HMCN1: variants seen among roughly 807,000 people sequenced by gnomAD.
HMCN1 encodes hemicentin 1.
In HMCN1, 321 loss-of-function variants were observed where a neutral mutation model predicts 625.9. The ratio of observed to expected loss-of-function variants is 0.51; its 90% CI spans 0.47 to 0.56. The LOEUF (loss-of-function observed/expected upper bound fraction) is 0.56. Ranked by LOEUF, HMCN1 falls within the 20% of genes least tolerant of loss-of-function variation. The probability of loss-of-function intolerance (pLI) is 0.00; values close to 1 mark genes in which losing one functional copy is unlikely to be tolerated. For synonymous variants in HMCN1, 2,425 were observed against 2,417.6 expected (o/e 1.00, Z -0.09); for missense variants, 6,588 against 6,887.3 (o/e 0.96, Z 1.54).
intron 40 of HMCN1, 37 bp downstream of exon 40, chr1:186,041,173 GAT>G: frequency 6.3e-7 from 1 of 1,585,440 alleles, no homozygotes; most frequent in Non-Finnish European, 8.7e-7. Context: ...TTCTGGTAGA[GAT>G]ATGTTTGGGT....
At chr1:185,949,979 CTTGTACTATAGCATAACCTG>C (rs1668558085) in intron 11 of HMCN1, among the ~76,000 whole-genome samples, 1 of 151,792 alleles carries the variant, frequency 6.6e-6, no homozygotes, top group Non-Finnish European at 1.5e-5. Context: ...GGGCTAGTGG[CTTGTACTATAGCATAACCTG>C]CCTTTGCTGG....
intron 1 of HMCN1, among the ~76,000 whole-genome samples, chr1:185,822,799 T>G (rs1032391472): frequency 6.6e-6 from 1 of 152,200 alleles, no homozygotes; most frequent in African/African-American, 2.4e-5. Context: ...GATAGTGTTT[T>G]TCTCAGGAAA....
At chr1:185,982,936 A>G (rs984947123) in intron 18 of HMCN1, among the ~76,000 whole-genome samples, 4 of 152,128 alleles carry the variant, frequency 2.6e-5, no homozygotes, top group Admixed American at 2.0e-4. Flanking sequence ...TTTATATTAA[A>G]TTCAGTGTCA....
chr1:186,023,211 G>A, intron 36 of HMCN1, 58 bp downstream of exon 36: 2 of 1,465,146 alleles, frequency 1.4e-6, no homozygotes, highest in Non-Finnish European at 1.9e-6. Flanking sequence ...TAAAAACATA[G>A]TGGGCTCATT....
At chr1:186,184,771 T>C (rs1653176338) in intron 105 of HMCN1, among the ~76,000 whole-genome samples, 2 of 152,192 alleles carry the variant, frequency 1.3e-5, no homozygotes, top group Non-Finnish European at 2.9e-5. Context: ...AAGCTGTTAA[T>C]ATAAAAATTT....
At chr1:186,127,152 T>C (rs1348761722) in intron 82 of HMCN1, among the ~76,000 whole-genome samples, 1 of 151,906 alleles carries the variant, frequency 6.6e-6, no homozygotes, top group African/African-American at 2.4e-5. Flanking sequence ...GCCGAGACGG[T>C]GAAGGCTACA....
chr1:186,039,854 T>C lies in HMCN1; in HGVS notation c.6155T>C (p.Val2052Ala). 1 of 1,613,390 alleles carries C rather than the reference T, an allele frequency of 6.2e-7. No homozygotes were observed. The highest frequency in any genetic ancestry group is 8.5e-7 in the Non-Finnish European group (1 of 1,179,544). The change falls in exon 39 of 107, where the codon GTT becomes GCT. Residue 2052 changes from valine to alanine, a missense_variant. Transcript: ENST00000271588. ...ACCTGGTTGAAAGATGGGAGTCCTG[T>C]TTCTAGTTTTTCTAATGGATTACAG... is the stretch of plus-strand genomic sequence containing the variant. ...SLTWLKDGSPVSSFSNGLQVL... is the reference protein window; with the variant it reads ...SLTWLKDGSPASSFSNGLQVL...
intron 4 of HMCN1, among the ~76,000 whole-genome samples, chr1:185,888,938 T>G (rs1371802203): frequency 6.8e-6 from 1 of 147,796 alleles, no homozygotes; most frequent in Non-Finnish European, 1.5e-5. Context: ...TTTCTACCCA[T>G]GAGCATGGAA....
Position 186,093,640 on chromosome 1 carries a change from C to A in HMCN1, c.10167C>A (p.Ile3389=). The change falls in exon 66 of 107, where the codon ATC becomes ATA. Residue 3389 remains isoleucine (I), a synonymous_variant. Coordinates refer to ENST00000271588, the MANE Select transcript of HMCN1 (RefSeq NM_031935.3). Reference sequence around the variant, plus strand: ...TTCCTCTGCCTCTCTCCTCCCATATCCGGTTACTGGCAGCAGGACAAGTTA... The same window carrying A: ...TTCCTCTGCCTCTCTCCTCCCATATACGGTTACTGGCAGCAGGACAAGTTA... The part of the protein sequence containing the change: ...NGLPLPLSSH[I]RLLAAGQVIR... 3 of 1,613,362 alleles carry A rather than the reference C, an allele frequency of 1.9e-6. No homozygotes were observed. Among genetic ancestry groups the A allele is most frequent in the Non-Finnish European group, 2.5e-6 (3 of 1,179,550 alleles).
At chr1:185,789,148 A>G (rs1657823159) in intron 1 of HMCN1, among the ~76,000 whole-genome samples, 1 of 152,240 alleles carries the variant, frequency 6.6e-6, no homozygotes, top group Non-Finnish European at 1.5e-5. Flanking sequence ...AGTCATAAAC[A>G]ATGGTACCTT....
intron 1 of HMCN1, among the ~76,000 whole-genome samples, chr1:185,786,857 C>A (rs1381242236): frequency 1.3e-5 from 2 of 152,158 alleles, no homozygotes; most frequent in Non-Finnish European, 1.5e-5. Context: ...CTATGTGTCA[C>A]CCCAATGCTA....
At chr1:185,798,936 G>A (rs1658590477) in intron 1 of HMCN1, among the ~76,000 whole-genome samples, 1 of 152,034 alleles carries the variant, frequency 6.6e-6, no homozygotes, top group Non-Finnish European at 1.5e-5. Context: ...CCTTTGGGGT[G>A]TTGTAACACT....
intron 4 of HMCN1, among the ~76,000 whole-genome samples, chr1:185,888,717 T>C (rs1213625060): frequency 6.8e-6 from 1 of 146,944 alleles, no homozygotes; most frequent in Non-Finnish European, 1.5e-5. Flanking sequence ...TGTAGCCTTG[T>C]AGTATAGTTT....
intron 1 of HMCN1, among the ~76,000 whole-genome samples, chr1:185,841,974 A>G (rs1661504317): frequency 4.6e-5 from 7 of 152,246 alleles, no homozygotes; most frequent in Admixed American, 4.6e-4. Flanking sequence ...AAAAGAAATC[A>G]GTATGAATAA....
At chr1:185,823,357 A>C (rs564975672) in intron 1 of HMCN1, among the ~76,000 whole-genome samples, 92 of 152,322 alleles carry the variant, frequency 6.0e-4, no homozygotes, top group African/African-American at 2.1e-3. Flanking sequence ...TGTAATATAC[A>C]AGGCAAACAT....
At chr1:186,176,902 C>A (rs1243213702) in intron 103 of HMCN1, 1 of 152,984 alleles carries the variant, frequency 6.5e-6, no homozygotes, top group African/African-American at 2.4e-5. Flanking sequence ...GGTGTGGTGG[C>A]TCACGCCTGT....
chr1:186,011,506 T>G (rs1654000582), intron 30 of HMCN1, among the ~76,000 whole-genome samples: 1 of 152,236 alleles, frequency 6.6e-6, no homozygotes, highest in South Asian at 2.1e-4. Context: ...ATTATTCTCT[T>G]GATATTTGAC....
At position 185,976,665 on chromosome 1, in the gene HMCN1, C is replaced by T. The variant is rs993959479; in HGVS notation, c.2372-1122C>T. Among the ~76,000 whole-genome samples, 7 of 152,250 alleles carry T rather than the reference C, an allele frequency of 4.6e-5. No individual in the cohort carries two copies. The East Asian group carries it at 7.7e-4, about 17-fold the overall frequency. ...CTCCATGTGACACTTAGCAAATTAACTATCTGTGTTTCAGTTTCTTCATCT... is the reference window on the plus strand; with the variant it reads ...CTCCATGTGACACTTAGCAAATTAATTATCTGTGTTTCAGTTTCTTCATCT... On this transcript the variant is annotated intron_variant, in intron 15 of 106. Transcript: ENST00000271588.
At chr1:185,871,793 C>T (rs1663637294) in intron 4 of HMCN1, among the ~76,000 whole-genome samples, 1 of 152,176 alleles carries the variant, frequency 6.6e-6, no homozygotes, top group African/African-American at 2.4e-5. Context: ...GGCACAGCCT[C>T]TTCCCGCTAT....
Sources: gnomAD v4.1 joint callset for allele counts (sites outside exome capture counted in the v4.1 genomes callset) on GRCh38, gnomAD v4.1.1 for gene constraint, MANE v1.5 for transcripts, NCBI Gene and HGNC (gene_info 2026-07-23, HGNC 2026-07-21) for gene names.